The following PHTF2 variants were observed in gnomAD, a reference collection of about 807,000 sequenced individuals.
PHTF2 encodes protein PHTF2.
Under a neutral mutation model 101.2 loss-of-function variants are expected in PHTF2, and 60 were observed. The ratio of observed to expected loss-of-function variants is 0.59; its 90% CI spans 0.48 to 0.73. The LOEUF is 0.73. Ranked by LOEUF, PHTF2 falls within the 30% of genes least tolerant of loss-of-function variation. The pLI, the probability that PHTF2 is intolerant of heterozygous loss-of-function variation, is 0.00. For synonymous variants in PHTF2, 311 were observed against 307.3 expected, an observed-to-expected ratio of 1.01 and a Z score of -0.13; for missense variants, 747 against 908.7, an observed-to-expected ratio of 0.82 and a Z score of 2.29.
intron 2 of PHTF2, among the ~76,000 whole-genome samples, chr7:77,841,074 A>ATTTTTTTTT (rs1562863302): frequency 1.4e-4 from 7 of 51,416 alleles, no homozygotes; most frequent in African/African-American, 9.2e-4. Context: ...GAAAAAACAG[A>ATTTTTTTTT]CTTTTTTTTT....
intron 7 of PHTF2, among the ~76,000 whole-genome samples, chr7:77,904,350 C>T (rs1347459045): frequency 1.3e-5 from 2 of 152,216 alleles, no homozygotes; most frequent in Non-Finnish European, 1.5e-5. Context: ...AGACATCAGA[C>T]ATCACTTTCT....
At chr7:77,882,087 A>T (rs1228450073) in intron 3 of PHTF2, among the ~76,000 whole-genome samples, 1 of 152,182 alleles carries the variant, frequency 6.6e-6, no homozygotes, top group African/African-American at 2.4e-5. Flanking sequence ...GATGATAGGT[A>T]TGTGGTCTGT....
At chr7:77,903,095 T>A (rs1370544215) in intron 7 of PHTF2, among the ~76,000 whole-genome samples, 1 of 152,188 alleles carries the variant, frequency 6.6e-6, no homozygotes, top group African/African-American at 2.4e-5. Context: ...CATTTTTTTT[T>A]ACCTAATGTC....
At chr7:77,942,655 T>A (rs1194260500) in intron 15 of PHTF2, 45 bp from the exon 15 acceptor site, 1 of 1,053,822 alleles carries the variant, frequency 9.5e-7, no homozygotes, top group Admixed American at 2.2e-5. Flanking sequence ...TTAGTAAATA[T>A]ATTTTAAAAT....
rs201901309 is a variant in PHTF2, at chr7:77,927,201, C to T, written c.1120-1908C>T. ...AAATATATATATATATATATACATACACACACACACACACACACACACAAA... is the reference window on the plus strand; with the variant it reads ...AAATATATATATATATATATACATATACACACACACACACACACACACAAA... On this transcript the variant is annotated intron_variant, in intron 11 of 19. Coordinates refer to ENST00000416283, the Ensembl canonical transcript of PHTF2. 8.4e-3 allele frequency among the ~76,000 whole-genome samples: 890 copies of T among 105,448 alleles called. 5 individuals are homozygous for T. The highest frequency in any genetic ancestry group is 0.015 in the African/African-American group (383 of 25,006). The allele number at this position is 105,448 out of a possible 152,430, so 69.2% of individuals were successfully genotyped here.
chr7:77,879,234 A>C lies in PHTF2; in HGVS notation c.148-14374A>C, dbSNP rs192928299. Among the ~76,000 whole-genome samples, 168 of 152,302 alleles carry C rather than the reference A, an allele frequency of 1.1e-3. 2 individuals are homozygous for C. The highest frequency in any genetic ancestry group is 2.0e-3 in the Non-Finnish European group (135 of 68,018). On this transcript the variant is annotated intron_variant, in intron 3 of 19. Transcript: ENST00000416283. ...TTTCTTTGTATTTATAACTTCTTAG[A>C]GGCAGATTCTACCGTAATCATAGTG... is the stretch of plus-strand genomic sequence containing the variant.
At chr7:77,799,809 A>C (rs932682824) in intron 1 of PHTF2, among the ~76,000 whole-genome samples, 1 of 152,212 alleles carries the variant, frequency 6.6e-6, no homozygotes, top group African/African-American at 2.4e-5. Context: ...ATCTGGAACA[A>C]TTTATTAATC....
intron 3 of PHTF2, among the ~76,000 whole-genome samples, chr7:77,878,874 C>A (rs1478446073): frequency 6.6e-6 from 1 of 152,124 alleles, no homozygotes; most frequent in Non-Finnish European, 1.5e-5. Context: ...GGTGGCTTGG[C>A]ATTTGAGGGT....
chr7:77,898,890 C>A (rs1017691367), intron 5 of PHTF2, among the ~76,000 whole-genome samples: 1 of 152,130 alleles, frequency 6.6e-6, no homozygotes, highest in Non-Finnish European at 1.5e-5. Context: ...CCTCCAACCC[C>A]TGGGTTCAAA....
intron 1 of PHTF2, among the ~76,000 whole-genome samples, chr7:77,815,646 A>G (rs1053102251): frequency 4.6e-5 from 7 of 152,230 alleles, no homozygotes; most frequent in Non-Finnish European, 1.5e-5. Context: ...TACATGTTTG[A>G]CTTCCAGTCA....
rs566258827 is a variant in PHTF2, at chr7:77,886,786, G to A, written c.148-6822G>A. ...TGGCTGGGCGCAGTGGCTCACACCC[G>A]TAATCCCAGCACTTTGGGAGGCTGA... On this transcript the variant is annotated intron_variant, in intron 3 of 19. Coordinates refer to ENST00000416283, the Ensembl canonical transcript of PHTF2. Among the ~76,000 whole-genome samples, 69 of 152,232 alleles carry A rather than the reference G, an allele frequency of 4.5e-4. 1 individual carries two copies. The highest frequency in any genetic ancestry group is 2.9e-3 in the East Asian group (15 of 5,176).
intron 9 of PHTF2, among the ~76,000 whole-genome samples, chr7:77,910,918 A>G (rs1802332281): frequency 6.6e-6 from 1 of 151,986 alleles, no homozygotes; most frequent in African/African-American, 2.4e-5. Context: ...GGATTTCTTG[A>G]TTTTGGTTTC....
intron 7 of PHTF2, 121 bp downstream of exon 6, chr7:77,902,041 G>A (rs1801441069): frequency 6.9e-6 from 3 of 435,442 alleles, no homozygotes; most frequent in South Asian, 1.3e-4. Context: ...GTTAATAAAG[G>A]CACATAATTG....
intron 1 of PHTF2, among the ~76,000 whole-genome samples, chr7:77,818,999 G>A (rs975150576): frequency 6.6e-6 from 1 of 152,060 alleles, no homozygotes; most frequent in Non-Finnish European, 1.5e-5. Context: ...TGTTGTTGCT[G>A]TAGTAAATAA....
intron 11 of PHTF2, among the ~76,000 whole-genome samples, chr7:77,927,658 G>A (rs1804186578): frequency 6.6e-6 from 1 of 152,154 alleles, no homozygotes; most frequent in Non-Finnish European, 1.5e-5. Context: ...TGGCTTTAAG[G>A]TAGCATTTGT....
intron 1 of PHTF2, among the ~76,000 whole-genome samples, chr7:77,835,293 A>G (rs79099564): frequency 6.8e-6 from 1 of 146,952 alleles, no homozygotes; most frequent in East Asian, 2.0e-4. Flanking sequence ...AAAAAACAAG[A>G]AAAAAAAAAG....
chr7:77,805,250 G>C (rs1359772362), intron 1 of PHTF2, among the ~76,000 whole-genome samples: 1 of 152,066 alleles, frequency 6.6e-6, no homozygotes, highest in Non-Finnish European at 1.5e-5. Context: ...ATATCTGTAA[G>C]ACATATAGTG....
At chr7:77,836,067 G>C (rs994722060) in intron 1 of PHTF2, among the ~76,000 whole-genome samples, 1 of 136,770 alleles carries the variant, frequency 7.3e-6, no homozygotes, top group Non-Finnish European at 1.5e-5. Flanking sequence ...GCGGTGAGCT[G>C]AGATCACGCC....
At chr7:77,939,985 A>G (rs373236109) in intron 13 of PHTF2, 45 bp from the exon 13 acceptor site, 8 of 1,395,754 alleles carry the variant, frequency 5.7e-6, no homozygotes, top group South Asian at 1.3e-5. Context: ...AATTTATGGT[A>G]TAATTTTATT....
Sources: allele counts gnomAD v4.1 joint callset (sites outside exome capture counted in the v4.1 genomes callset), GRCh38; gene constraint gnomAD v4.1.1; transcripts MANE v1.5; gene names NCBI Gene and HGNC (gene_info 2026-07-23, HGNC 2026-07-21).